DTNBP1: variants seen among roughly 807,000 people sequenced by gnomAD.
DTNBP1 encodes dystrobrevin binding protein 1, also known as dysbindin.
Under a neutral mutation model 42.8 loss-of-function variants are expected in DTNBP1, and 35 were observed. The ratio of observed to expected loss-of-function variants is 0.82; its 90% CI spans 0.63 to 1.09. The LOEUF is 1.09. DTNBP1 is among the 50% of genes least tolerant of loss of function. DTNBP1 has a pLI of 0.00. For missense variants in DTNBP1, 457 were observed against 424.2 expected (o/e 1.08, Z -0.68); for synonymous variants, 171 against 162.2 (o/e 1.05, Z -0.41).
intron 6 of DTNBP1, among the ~76,000 whole-genome samples, chr6:15,599,235 G>T (rs1338588488): frequency 9.2e-5 from 14 of 152,136 alleles, no homozygotes; most frequent in Non-Finnish European, 2.1e-4. Context: ...CAGGGGTAAG[G>T]GATATTTATT....
In DTNBP1 at chr6:15,572,060, G is replaced by T. The variant is rs545455456; in HGVS notation, c.511+20999C>A. Among the ~76,000 whole-genome samples, 20 of 152,128 alleles carry T rather than the reference G, an allele frequency of 1.3e-4. No individual in the cohort carries two copies. In the South Asian group the frequency reaches 4.1e-3, roughly 32 times the overall value. ...AAGTGACACCCTGTGGCTAATCAAA[G>T]ATTTAGGAGTCACATAAACAGGAAT... On this transcript the variant is annotated intron_variant, in intron 7 of 9. Coordinates refer to ENST00000344537, the MANE Select transcript of DTNBP1 (RefSeq NM_032122.5).
intron 9 of DTNBP1, 29 bp downstream of exon 9, chr6:15,524,497 T>C: frequency 3.1e-6 from 5 of 1,610,304 alleles, no homozygotes; most frequent in Non-Finnish European, 4.2e-6. Context: ...ACTGCCCTGG[T>C]TCAGCTAATG....
intron 3 of DTNBP1, among the ~76,000 whole-genome samples, chr6:15,647,428 T>C (rs1372800103): frequency 6.6e-6 from 1 of 151,582 alleles, no homozygotes; most frequent in Non-Finnish European, 1.5e-5. Flanking sequence ...ATTCTGGAGA[T>C]TAAAAGTATA....
chr6:15,523,366 C>T, intron 9 of DTNBP1, 147 bp from the exon 10 acceptor site: 1 of 1,325,058 alleles, frequency 7.5e-7, no homozygotes, highest in Non-Finnish European at 1.0e-6. Flanking sequence ...TTGGGAACTG[C>T]CCTGGAAGAC....
chr6:15,621,013 G>C (rs1759012443), intron 5 of DTNBP1, among the ~76,000 whole-genome samples: 1 of 152,186 alleles, frequency 6.6e-6, no homozygotes, highest in Non-Finnish European at 1.5e-5. Flanking sequence ...TTTAATAAAA[G>C]TGATTGAAAA....
At chr6:15,613,599 C>A (rs1758554675) in intron 6 of DTNBP1, among the ~76,000 whole-genome samples, 1 of 151,956 alleles carries the variant, frequency 6.6e-6, no homozygotes, top group African/African-American at 2.4e-5. Context: ...ATCTCCTGAC[C>A]ACATGATCTG....
At chr6:15,581,895 G>A (rs1004897130) in intron 7 of DTNBP1, among the ~76,000 whole-genome samples, 4 of 152,200 alleles carry the variant, frequency 2.6e-5, no homozygotes, top group African/African-American at 7.2e-5. Context: ...AGGGGAGCTA[G>A]AGGCCTTACT....
intron 7 of DTNBP1, among the ~76,000 whole-genome samples, chr6:15,581,337 G>A (rs1775822952): frequency 6.6e-6 from 1 of 151,230 alleles, no homozygotes; most frequent in Non-Finnish European, 1.5e-5. Flanking sequence ...CTGCCACCAC[G>A]CCTGGCTAAT....
chr6:15,556,387 G>A (rs913463500), intron 7 of DTNBP1, among the ~76,000 whole-genome samples: 2 of 151,940 alleles, frequency 1.3e-5, no homozygotes, highest in Non-Finnish European at 2.9e-5. Context: ...TCACCATGTT[G>A]GCCAGGCTGG....
chr6:15,647,768 A>G (rs1760769957), intron 3 of DTNBP1, among the ~76,000 whole-genome samples: 1 of 151,346 alleles, frequency 6.6e-6, no homozygotes, highest in Admixed American at 6.6e-5. Context: ...AATCAGTAAT[A>G]AAAAACCTCA....
Position 15,637,796 on chromosome 6 carries a change from T to G in DTNBP1, c.170A>C (p.Asp57Ala). The change falls in exon 4 of 10, where the codon GAT becomes GCT. Residue 57 changes from aspartate to alanine, a missense_variant. Asp to Ala is a moderately radical substitution (Grantham distance 126). Transcript: ENST00000344537. ...TCTTCTGTGAAGTGCAGCCCATGTA[T>G]CCTCATACCTAAAAAAAAGCAAAAA... ...AGLELLSRYE[D>A]TWAALHRRAK... 2 of 1,613,124 alleles carry G rather than the reference T, an allele frequency of 1.2e-6. No individual in the cohort carries two copies. The highest frequency in any genetic ancestry group is 2.2e-5 in the South Asian group (2 of 91,072).
intron 6 of DTNBP1, among the ~76,000 whole-genome samples, chr6:15,605,253 A>C (rs1480016625): frequency 6.6e-6 from 1 of 152,232 alleles, no homozygotes; most frequent in African/African-American, 2.4e-5. Context: ...AAGCACTCTA[A>C]GGATTATGGT....
intron 7 of DTNBP1, among the ~76,000 whole-genome samples, chr6:15,564,001 G>C (rs1774954961): frequency 6.6e-6 from 1 of 151,658 alleles, no homozygotes; most frequent in Non-Finnish European, 1.5e-5. Context: ...TTGAACTTGG[G>C]AGGTGGAGGT....
At chr6:15,554,245 TTTCTTCTTC>T (rs370975144) in intron 7 of DTNBP1, among the ~76,000 whole-genome samples, 1 of 152,150 alleles carries the variant, frequency 6.6e-6, no homozygotes. Flanking sequence ...TTTTCTTCTT[TTTCTTCTTC>T]TTCTTATTAT....
At chr6:15,547,780 T>C (rs1773968878) in intron 7 of DTNBP1, among the ~76,000 whole-genome samples, 1 of 152,258 alleles carries the variant, frequency 6.6e-6, no homozygotes, top group Non-Finnish European at 1.5e-5. Flanking sequence ...CAAGATCCCC[T>C]GTGACCAGAT....
chr6:15,628,398 CTTTTTTTTTT>C (rs70996561), intron 4 of DTNBP1, among the ~76,000 whole-genome samples: 3 of 77,074 alleles, frequency 3.9e-5, no homozygotes, highest in South Asian at 5.4e-4. Context: ...GATTAAGGTT[CTTTTTTTTTT>C]TTTTTTTTTT....
intron 7 of DTNBP1, among the ~76,000 whole-genome samples, chr6:15,577,013 A>ATTT (rs1481285914): frequency 6.6e-6 from 1 of 152,230 alleles, no homozygotes; most frequent in Admixed American, 6.5e-5. Flanking sequence ...GATCCAGGTC[A>ATTT]CAAATAAAAT....
In DTNBP1 at chr6:15,538,814, A is replaced by G. The variant is rs373859081; in HGVS notation, c.512-5419T>C. 5.3e-5 allele frequency among the ~76,000 whole-genome samples: 8 copies of G among 152,288 alleles called. No homozygotes were observed. In the East Asian group the frequency reaches 1.4e-3, roughly 26 times the overall value. On this transcript the variant is annotated intron_variant, in intron 7 of 9. Coordinates refer to ENST00000344537, the MANE Select transcript of DTNBP1 (RefSeq NM_032122.5). ...GTCATCTGCAGAAACCATTTCAGCT[A>G]CCTTCTGTCCTGGGATACACTGTAA...
chr6:15,644,599 A>C (rs1760567278), intron 3 of DTNBP1, among the ~76,000 whole-genome samples: 1 of 152,176 alleles, frequency 6.6e-6, no homozygotes, highest in African/African-American at 2.4e-5. Flanking sequence ...ACCACAGTGG[A>C]ATAAAATCAA....
Sources: gnomAD v4.1 joint callset for allele counts (sites outside exome capture counted in the v4.1 genomes callset) on GRCh38, gnomAD v4.1.1 for gene constraint, MANE v1.5 for transcripts, NCBI Gene and HGNC (gene_info 2026-07-23, HGNC 2026-07-21) for gene names.